The following CEP85L variants were observed in gnomAD, a reference collection of about 807,000 sequenced individuals.
CEP85L encodes centrosomal protein of 85 kDa-like.
Under a neutral mutation model 100.3 loss-of-function variants are expected in CEP85L, and 60 were observed. The observed-to-expected ratio is 0.60, with a 90% confidence interval of 0.49 to 0.74. The LOEUF (loss-of-function observed/expected upper bound fraction) is 0.74, where lower values mean the gene tolerates loss of function less well. Among genes scored for constraint, CEP85L ranks in the 30% least tolerant of loss-of-function variants. The pLI, the probability that CEP85L is intolerant of heterozygous loss-of-function variation, is 0.00. For missense variants in CEP85L, 973 were observed against 936.2 expected (o/e 1.04, Z -0.51); for synonymous variants, 319 against 322.7 (o/e 0.99, Z 0.12).
chr6:118,699,298 T>C (rs1235986265), intron 1 of CEP85L, among the ~76,000 whole-genome samples: 3 of 151,390 alleles, frequency 2.0e-5, no homozygotes, highest in Non-Finnish European at 2.9e-5. Flanking sequence ...TATAAAAAAA[T>C]TAAGCAATTA....
intron 4 of CEP85L, among the ~76,000 whole-genome samples, chr6:118,518,907 T>A (rs1173427742): frequency 6.6e-6 from 1 of 152,226 alleles, no homozygotes; most frequent in Non-Finnish European, 1.5e-5. Flanking sequence ...TTTAAATGTG[T>A]CTCAGAGATT....
At chr6:118,580,079 T>A (rs948591713) in intron 2 of CEP85L, among the ~76,000 whole-genome samples, 1 of 152,184 alleles carries the variant, frequency 6.6e-6, no homozygotes, top group South Asian at 2.1e-4. Flanking sequence ...CTGGACTCTA[T>A]GCAAATCAGA....
intron 5 of CEP85L, among the ~76,000 whole-genome samples, chr6:118,494,102 T>G (rs1774765037): frequency 6.6e-6 from 1 of 151,868 alleles, no homozygotes; most frequent in Admixed American, 6.6e-5. Flanking sequence ...GAAACAGAGG[T>G]TCATAACCTA....
chr6:118,519,817 C>A (rs950562200), intron 4 of CEP85L, among the ~76,000 whole-genome samples: 13 of 151,856 alleles, frequency 8.6e-5, no homozygotes, highest in African/African-American at 3.1e-4. Context: ...GTGAATAATT[C>A]CCAACTCTAT....
Position 118,635,054 on chromosome 6 carries a change from C to A in CEP85L, c.74-2443G>T, listed in dbSNP as rs572055677. ...ATGTTCGTATATTTTTGTGGCCTTG[C>A]AAATTGGTACAACCTTTCTAAAGGG... On this transcript the variant is annotated intron_variant, in intron 1 of 12. Transcript: ENST00000368491. 5.9e-4 allele frequency among the ~76,000 whole-genome samples: 90 copies of A among 152,096 alleles called. 1 individual carries two copies. Among genetic ancestry groups the A allele is most frequent in the Non-Finnish European group, 1.2e-3 (79 of 67,990 alleles).
chr6:118,642,052 A>C (rs767828304), intron 1 of CEP85L, among the ~76,000 whole-genome samples: 1 of 152,222 alleles, frequency 6.6e-6, no homozygotes, highest in Non-Finnish European at 1.5e-5. Flanking sequence ...ACTAAAAAAA[A>C]GGATGCCAAT....
chr6:118,535,766 G>A lies in CEP85L; in HGVS notation c.1021-11846C>T, dbSNP rs369401205. 7.9e-5 allele frequency among the ~76,000 whole-genome samples: 12 copies of A among 151,978 alleles called. No homozygotes were observed. The East Asian group carries it at 2.1e-3, about 27-fold the overall frequency. On this transcript the variant is annotated intron_variant, in intron 3 of 12. Transcript: ENST00000368491. ...AGTAATCCTTATTTTACTTAATAAT[G>A]GCCCCAAAGTGCAAGAGTAGTGATG...
At chr6:118,488,781 CA>C (rs1324543809) in intron 6 of CEP85L, among the ~76,000 whole-genome samples, 1 of 152,064 alleles carries the variant, frequency 6.6e-6, no homozygotes, top group East Asian at 1.9e-4. Context: ...TTGTCAAAGT[CA>C]AAAAGAGAAT....
intron 2 of CEP85L, among the ~76,000 whole-genome samples, chr6:118,613,179 C>G (rs1772767943): frequency 6.6e-6 from 1 of 151,996 alleles, no homozygotes; most frequent in African/African-American, 2.4e-5. Context: ...CCACTGTACT[C>G]CAGCCTGGGC....
chr6:118,617,330 G>A (rs1024736684), intron 2 of CEP85L, among the ~76,000 whole-genome samples: 2 of 152,048 alleles, frequency 1.3e-5, no homozygotes, highest in African/African-American at 2.4e-5. Context: ...GCCCTCCCCC[G>A]AAACCAGAGT....
At chr6:118,561,809 T>A (rs1779240530) in intron 3 of CEP85L, among the ~76,000 whole-genome samples, 1 of 152,030 alleles carries the variant, frequency 6.6e-6, no homozygotes. Flanking sequence ...TTGGTGACTT[T>A]CCCCAAATAA....
chr6:118,600,300 G>GGGGGGGGTGTGTGTGTGT lies in CEP85L; in HGVS notation c.232+32152_232+32153insACACACACACACCCCCCC, dbSNP rs1562297733. The stretch of plus-strand genomic sequence containing the variant: ...CTGCCTGTCCCTGAGCCTTCCTGGG[G>GGGGGGGGTGTGTGTGTGT]GTGTGTGTGTGTGTGTGTGTGTGTG... On this transcript the variant is annotated intron_variant, in intron 2 of 12. Coordinates refer to ENST00000368491, the MANE Select transcript of CEP85L (RefSeq NM_001042475.3). Among the ~76,000 whole-genome samples, 2 of 52,236 alleles carry GGGGGGGGTGTGTGTGTGT rather than the reference G, an allele frequency of 3.8e-5. 1 individual carries two copies. Among genetic ancestry groups the GGGGGGGGTGTGTGTGTGT allele is most frequent in the Non-Finnish European group, 8.1e-5 (2 of 24,784 alleles). The allele number at this position is 52,236 out of a possible 152,430, so 34.3% of individuals were successfully genotyped here.
chr6:118,545,466 T>C (rs1173445935), intron 3 of CEP85L, among the ~76,000 whole-genome samples: 1 of 152,164 alleles, frequency 6.6e-6, no homozygotes, highest in African/African-American at 2.4e-5. Flanking sequence ...CACACGCCTG[T>C]AGTCTCAGCT....
chr6:118,583,630 G>A (rs556043765), intron 2 of CEP85L, among the ~76,000 whole-genome samples: 62 of 152,284 alleles, frequency 4.1e-4, no homozygotes, highest in African/African-American at 1.4e-3. Context: ...CACTACGCCA[G>A]TCCAGATCTA....
chr6:118,496,489 G>A (rs1774936044), intron 5 of CEP85L, among the ~76,000 whole-genome samples: 1 of 151,998 alleles, frequency 6.6e-6, no homozygotes, highest in African/African-American at 2.4e-5. Context: ...TGAGTAGCTG[G>A]GATTACAGGC....
chr6:118,491,385 A>T, intron 6 of CEP85L: 1 of 808,030 alleles, frequency 1.2e-6, no homozygotes, highest in East Asian at 6.0e-5. Flanking sequence ...CCAACATGAC[A>T]AAAAAAATGA....
At chr6:118,470,876 TA>T (rs34120472) in intron 10 of CEP85L, among the ~76,000 whole-genome samples, 1 of 152,146 alleles carries the variant, frequency 6.6e-6, no homozygotes, top group South Asian at 2.1e-4. Flanking sequence ...TGGATTTTTT[TA>T]AATTACAGTT....
intron 1 of CEP85L, among the ~76,000 whole-genome samples, chr6:118,671,352 G>A (rs111804166): frequency 2.6e-4 from 40 of 151,846 alleles, no homozygotes; most frequent in South Asian, 8.3e-4. Context: ...AATTGTTATC[G>A]TTATTATGTT....
chr6:118,671,348 T>C (rs1222702618), intron 1 of CEP85L, among the ~76,000 whole-genome samples: 1 of 152,234 alleles, frequency 6.6e-6, no homozygotes, highest in Non-Finnish European at 1.5e-5. Context: ...TGTAAATTGT[T>C]ATCGTTATTA....
Sources: allele counts gnomAD v4.1 joint callset (sites outside exome capture counted in the v4.1 genomes callset), GRCh38; gene constraint gnomAD v4.1.1; transcripts MANE v1.5; gene names NCBI Gene and HGNC (gene_info 2026-07-23, HGNC 2026-07-21).